Variants in ANO4 observed in about 807,000 individuals in gnomAD.
The protein encoded by ANO4 is anoctamin-4.
Under a neutral mutation model 141.9 loss-of-function variants are expected in ANO4, and 69 were observed. That is an observed-to-expected ratio of 0.49 (90% confidence interval 0.40 to 0.59). The LOEUF (loss-of-function observed/expected upper bound fraction) is 0.59. Among genes scored for constraint, ANO4 ranks in the 20% least tolerant of loss-of-function variants. The pLI is 0.00. For synonymous variants in ANO4, 350 were observed against 394.3 expected, an observed-to-expected ratio of 0.89 and a Z score of 1.33; for missense variants, 894 against 1,162.2, an observed-to-expected ratio of 0.77 and a Z score of 3.36.
chr12:100,833,719 C>T (rs1310318971), intron 1 of ANO4, among the ~76,000 whole-genome samples: 1 of 151,956 alleles, frequency 6.6e-6, no homozygotes, highest in African/African-American at 2.4e-5. Flanking sequence ...GTGTCTGGCT[C>T]ATAGTAGGAG....
At chr12:100,996,640 G>A (rs2045385949) in intron 8 of ANO4, among the ~76,000 whole-genome samples, 1 of 152,122 alleles carries the variant, frequency 6.6e-6, no homozygotes, top group Non-Finnish European at 1.5e-5. Context: ...AGCCGAGATT[G>A]TGCCACTGCA....
chr12:101,103,204 T>C (rs1487815585), intron 22 of ANO4, among the ~76,000 whole-genome samples: 3 of 79,182 alleles, frequency 3.8e-5, no homozygotes, highest in African/African-American at 6.7e-5. Flanking sequence ...TATATATATA[T>C]ATATATATAT....
At chr12:100,843,682 G>A (rs1186055027) in intron 1 of ANO4, among the ~76,000 whole-genome samples, 2 of 152,182 alleles carry the variant, frequency 1.3e-5, no homozygotes, top group Admixed American at 1.3e-4. Context: ...TACATACAAA[G>A]TCACTTTTAA....
chr12:101,074,637 G>C (rs975571632), intron 14 of ANO4, among the ~76,000 whole-genome samples: 2 of 152,144 alleles, frequency 1.3e-5, no homozygotes, highest in African/African-American at 4.8e-5. Context: ...ACCAAATAAT[G>C]AGAGTGATAG....
At chr12:100,760,368 CA>C (rs1465833992) in intron 3 of ANO4, among the ~76,000 whole-genome samples, 5 of 152,126 alleles carry the variant, frequency 3.3e-5, no homozygotes, top group African/African-American at 1.2e-4. Context: ...ATAACCTCCC[CA>C]AAGTCTAACA....
At chr12:101,060,720 C>G (rs1345103505) in intron 14 of ANO4, among the ~76,000 whole-genome samples, 1 of 150,606 alleles carries the variant, frequency 6.6e-6, no homozygotes. Flanking sequence ...TTTTTTCTTT[C>G]CATTTGCTTG....
chr12:100,887,635 T>G (rs1462095192), intron 1 of ANO4, among the ~76,000 whole-genome samples: 1 of 152,202 alleles, frequency 6.6e-6, no homozygotes, highest in Non-Finnish European at 1.5e-5. Context: ...TGTCAGACAG[T>G]GAGCTCATGA....
At chr12:100,938,112 T>G (rs184706987) in intron 3 of ANO4, among the ~76,000 whole-genome samples, 1 of 152,254 alleles carries the variant, frequency 6.6e-6, no homozygotes, top group Non-Finnish European at 1.5e-5. Flanking sequence ...CATTATATTT[T>G]ACAGATGAAA....
intron 2 of ANO4, among the ~76,000 whole-genome samples, chr12:100,909,015 C>T (rs1230837523): frequency 6.6e-6 from 1 of 152,132 alleles, no homozygotes; most frequent in East Asian, 1.9e-4. Context: ...GGTCTTAAGG[C>T]ACTCAGTCAT....
At chr12:100,958,507 G>A (rs567565138) in intron 5 of ANO4, among the ~76,000 whole-genome samples, 7 of 152,282 alleles carry the variant, frequency 4.6e-5, no homozygotes, top group Non-Finnish European at 1.0e-4. Flanking sequence ...GGGAAACCGT[G>A]AACAATAAAC....
chr12:100,956,773 T>A (rs774876926), intron 5 of ANO4, among the ~76,000 whole-genome samples: 13 of 152,314 alleles, frequency 8.5e-5, no homozygotes, highest in Non-Finnish European at 1.6e-4. Flanking sequence ...TTCTGATTGT[T>A]CAAGGGGATC....
At chr12:100,726,555 G>A (rs1304160408) in intron 1 of ANO4, among the ~76,000 whole-genome samples, 1 of 152,172 alleles carries the variant, frequency 6.6e-6, no homozygotes, top group East Asian at 1.9e-4. Context: ...CAAATCATTT[G>A]GATATCTTGT....
At chr12:101,104,654 TATATATATATATATATAA>T (rs1232254146) in intron 22 of ANO4, among the ~76,000 whole-genome samples, 1,707 of 65,712 alleles carry the variant, frequency 0.026, 27 homozygotes, top group African/African-American at 0.051. Context: ...TATATATATA[TATATATATATATATATAA>T]ATAAAAAGAT....
At chr12:100,723,620 C>T (rs2030966103) in intron 1 of ANO4, among the ~76,000 whole-genome samples, 1 of 152,168 alleles carries the variant, frequency 6.6e-6, no homozygotes, top group Non-Finnish European at 1.5e-5. Flanking sequence ...TAAATCAACA[C>T]ATTGATATTT....
chr12:101,105,357 G>A (rs561697347), intron 22 of ANO4, among the ~76,000 whole-genome samples: 7 of 152,302 alleles, frequency 4.6e-5, no homozygotes, highest in Admixed American at 3.9e-4. Context: ...GAACTAGATA[G>A]TAAATAATTT....
chr12:100,819,945 G>A (rs2035944155), intron 1 of ANO4, among the ~76,000 whole-genome samples: 1 of 151,884 alleles, frequency 6.6e-6, no homozygotes, highest in Non-Finnish European at 1.5e-5. Flanking sequence ...TTCCTTAGTT[G>A]TTGGGGCCGT....
At chr12:100,993,731 C>T (rs1298341783) in intron 8 of ANO4, among the ~76,000 whole-genome samples, 1 of 151,982 alleles carries the variant, frequency 6.6e-6, no homozygotes. Flanking sequence ...TGGGCCAGGC[C>T]TAAGAGTGGT....
chr12:100,920,479 A>T (rs970457049), intron 2 of ANO4, among the ~76,000 whole-genome samples: 1 of 144,168 alleles, frequency 6.9e-6, no homozygotes, highest in Non-Finnish European at 1.5e-5. Context: ...AACAAAGCTG[A>T]CTAGCCTTAG....
Position 101,126,928 on chromosome 12 carries a change from T to G in ANO4, c.2726T>G (p.Leu909Arg). 1 of 1,614,076 alleles carries G rather than the reference T, an allele frequency of 6.2e-7. No individual in the cohort carries two copies. The highest frequency in any genetic ancestry group is 8.5e-7 in the Non-Finnish European group (1 of 1,180,010). Residue 909 changes from leucine to arginine, a missense_variant, in exon 27 of 28, where the codon CTC becomes CGC. Physicochemically the swap from Leu to Arg is moderately radical, Grantham distance 102. Coordinates refer to ENST00000392977, the MANE Select transcript of ANO4 (RefSeq NM_001286615.2). ...KHLISYLIPDLPKDLRDRMRR... is the reference protein window; with the variant it reads ...KHLISYLIPDRPKDLRDRMRR... Reference sequence around the variant, plus strand: ...CTCATTTCATATCTGATCCCAGACCTCCCAAAAGACCTAAGGGATCGAATG... The same window carrying G: ...CTCATTTCATATCTGATCCCAGACCGCCCAAAAGACCTAAGGGATCGAATG...
Sources: allele counts gnomAD v4.1 joint callset (sites outside exome capture counted in the v4.1 genomes callset), GRCh38; gene constraint gnomAD v4.1.1; transcripts MANE v1.5; gene names NCBI Gene and HGNC (gene_info 2026-07-23, HGNC 2026-07-21).